SYT14: variants seen among roughly 807,000 people sequenced by gnomAD.
SYT14 encodes the protein synaptotagmin-14.
SYT14 carries 32 observed loss-of-function variants against 74.2 expected under a neutral mutation model. The observed-to-expected ratio is 0.43, with a 90% CI of 0.33 to 0.58. SYT14 has a LOEUF of 0.58. Ranked by LOEUF, SYT14 falls within the 20% of genes least tolerant of loss-of-function variation. SYT14 has a pLI of 0.05. For missense variants in SYT14, 791 were observed against 981.8 expected (o/e 0.81, Z 2.60); for synonymous variants, 298 against 337.7 (o/e 0.88, Z 1.29).
chr1:210,122,135 G>A lies in SYT14; in HGVS notation c.2034+21674G>A, dbSNP rs1365048130. Among the ~76,000 whole-genome samples, 2 of 66,426 alleles carry A rather than the reference G, an allele frequency of 3.0e-5. 1 individual carries two copies. Among genetic ancestry groups the A allele is most frequent in the African/African-American group, 1.9e-4 (2 of 10,740 alleles). 43.6% of individuals were successfully genotyped at this position (66,426 alleles called of 152,430 possible). A position where few individuals can be genotyped will look rare whatever the true frequency, so the allele number is the denominator to read the frequency against. On this transcript the variant is annotated intron_variant, in intron 7 of 9. Coordinates refer to ENST00000637265, the Ensembl canonical transcript of SYT14. ...TGGGACTACAGGCGCCCGCCACTAC[G>A]CCCGGCTAATTTTTTTGTATTTTTA...
chr1:210,071,813 G>C (rs1021832925), intron 5 of SYT14, among the ~76,000 whole-genome samples: 1 of 151,928 alleles, frequency 6.6e-6, no homozygotes, highest in Non-Finnish European at 1.5e-5. Flanking sequence ...TTGCAGTGAT[G>C]TTTTTATTAC....
intron 5 of SYT14, among the ~76,000 whole-genome samples, chr1:210,052,573 G>C (rs1243123755): frequency 6.8e-6 from 1 of 146,316 alleles, no homozygotes; most frequent in East Asian, 2.2e-4. Context: ...TGACGCAGGA[G>C]AATCACGTGA....
At chr1:209,980,954 T>G (rs1300789564) in intron 2 of SYT14, among the ~76,000 whole-genome samples, 1 of 152,256 alleles carries the variant, frequency 6.6e-6, no homozygotes, top group Non-Finnish European at 1.5e-5. Flanking sequence ...ATATGAATTT[T>G]AAAATAGTTT....
intron 7 of SYT14, among the ~76,000 whole-genome samples, chr1:210,133,313 T>A (rs1422118545): frequency 6.6e-6 from 1 of 152,226 alleles, no homozygotes; most frequent in Non-Finnish European, 1.5e-5. Context: ...CACTTATTAT[T>A]CCTATAATAT....
At chr1:210,121,714 A>C (rs575969802) in intron 7 of SYT14, among the ~76,000 whole-genome samples, 21 of 151,968 alleles carry the variant, frequency 1.4e-4, no homozygotes, top group African/African-American at 5.1e-4. Flanking sequence ...GAATGGCGTG[A>C]ACCCAGGAGG....
intron 5 of SYT14, among the ~76,000 whole-genome samples, chr1:210,090,246 C>T (rs1044818883): frequency 3.3e-5 from 5 of 152,122 alleles, no homozygotes; most frequent in Admixed American, 6.5e-5. Context: ...TTCCTGCCTT[C>T]GGACTTTATT....
chr1:210,001,570 T>C (rs2079900892), intron 2 of SYT14, among the ~76,000 whole-genome samples: 1 of 152,166 alleles, frequency 6.6e-6, no homozygotes, highest in African/African-American at 2.4e-5. Flanking sequence ...GAAGCGTACA[T>C]GCTAGTATGG....
At chr1:210,035,608 G>T (rs934435288) in intron 5 of SYT14, among the ~76,000 whole-genome samples, 1 of 151,794 alleles carries the variant, frequency 6.6e-6, no homozygotes, top group African/African-American at 2.4e-5. Flanking sequence ...GAGGGATAGG[G>T]GTCCAGTGTC....
At chr1:210,095,342 C>T (rs770122297) in intron 6 of SYT14, among the ~76,000 whole-genome samples, 3 of 152,176 alleles carry the variant, frequency 2.0e-5, no homozygotes, top group Non-Finnish European at 2.9e-5. Flanking sequence ...GTGGCACAGT[C>T]ACAGCTCACT....
rs1054056952 is a variant in SYT14 at position 210,099,929 on chromosome 1, C to G, written c.1585-83C>G. ...TGTGGCAGAATTGTTTTCACATCTT[C>G]TAAAGAAATATCAAGTATTTATTTA... On this transcript the variant is annotated intron_variant, in intron 6 of 9. Coordinates refer to ENST00000637265, the Ensembl canonical transcript of SYT14. 11 of 1,310,744 alleles carry G rather than the reference C, an allele frequency of 8.4e-6. No homozygotes were observed. In the African/African-American group the frequency reaches 1.5e-4, roughly 18 times the overall value. The allele number at this position is 1,310,744 out of a possible 1,614,324, so 81.2% of individuals were successfully genotyped here. A position where few individuals can be genotyped will look rare whatever the true frequency, so the allele number is the denominator to read the frequency against.
chr1:209,944,190 TA>T (rs543944662), intron 1 of SYT14, among the ~76,000 whole-genome samples: 36 of 152,044 alleles, frequency 2.4e-4, no homozygotes, highest in African/African-American at 7.0e-4. Context: ...GGTGCAGAAG[TA>T]AAAAAAAGGT....
exon 10 of SYT14, chr1:210,169,058 A>G (rs933867854): frequency 2.0e-5 from 3 of 151,932 alleles, no homozygotes; most frequent in African/African-American, 7.3e-5. Context: ...TAGCTTGCAC[A>G]TTCTTTTTAT....
intron 2 of SYT14, among the ~76,000 whole-genome samples, chr1:209,963,328 G>A (rs941747900): frequency 6.6e-6 from 1 of 152,106 alleles, no homozygotes; most frequent in African/African-American, 2.4e-5. Flanking sequence ...AAGGGTCCAG[G>A]TATTATACAA....
intron 3 of SYT14, among the ~76,000 whole-genome samples, chr1:210,015,221 T>G (rs1191939327): frequency 6.6e-6 from 1 of 152,154 alleles, no homozygotes; most frequent in Non-Finnish European, 1.5e-5. Context: ...TGCCTCTACA[T>G]TCAATCTGTC....
chr1:210,158,699 G>A (rs1223080339), intron 8 of SYT14, among the ~76,000 whole-genome samples: 1 of 152,152 alleles, frequency 6.6e-6, no homozygotes, highest in African/African-American at 2.4e-5. Flanking sequence ...TTTACCATTA[G>A]ATAGATCTTC....
At chr1:210,062,574 C>T (rs886245117) in intron 5 of SYT14, among the ~76,000 whole-genome samples, 1 of 151,762 alleles carries the variant, frequency 6.6e-6, no homozygotes, top group Admixed American at 6.6e-5. Context: ...ACCACTTTGC[C>T]ATCAACACGT....
intron 5 of SYT14, among the ~76,000 whole-genome samples, chr1:210,093,245 T>C (rs2081908692): frequency 6.6e-6 from 1 of 152,186 alleles, no homozygotes; most frequent in African/African-American, 2.4e-5. Context: ...TATGTAACTT[T>C]TTATCTTAGG....
chr1:210,050,058 T>A (rs1384927377), intron 5 of SYT14, among the ~76,000 whole-genome samples: 2 of 152,198 alleles, frequency 1.3e-5, no homozygotes, highest in African/African-American at 4.8e-5. Context: ...GAATTTCACC[T>A]CAGAAAATGG....
At chr1:210,067,908 TATCTTGTTCAACA>T (rs1285308091) in intron 5 of SYT14, among the ~76,000 whole-genome samples, 1 of 151,878 alleles carries the variant, frequency 6.6e-6, no homozygotes, top group African/African-American at 2.4e-5. Context: ...TTAGGAAAGG[TATCTTGTTCAACA>T]ATCTTGTTCA....
Sources: gnomAD v4.1 joint callset for allele counts (sites outside exome capture counted in the v4.1 genomes callset) on GRCh38, gnomAD v4.1.1 for gene constraint, MANE v1.5 for transcripts, NCBI Gene and HGNC (gene_info 2026-07-23, HGNC 2026-07-21) for gene names.